The following OSBPL6 variants were observed in gnomAD, a reference collection of about 807,000 sequenced individuals.
OSBPL6 encodes the protein oxysterol binding protein like 6, also known as oxysterol-binding protein-related protein 6.
OSBPL6 carries 49 observed loss-of-function variants against 125.8 expected under a neutral mutation model. The ratio of observed to expected loss-of-function variants is 0.39; its 90% CI spans 0.31 to 0.49. The LOEUF is 0.49. OSBPL6 is among the 20% of genes least tolerant of loss of function. The probability of loss-of-function intolerance (pLI) is 0.88; values close to 1 mark genes in which losing one functional copy is unlikely to be tolerated. For synonymous variants in OSBPL6, 394 were observed against 391.8 expected, an observed-to-expected ratio of 1.01 and a Z score of -0.07; for missense variants, 986 against 1,135.4, an observed-to-expected ratio of 0.87 and a Z score of 1.89.
chr2:178,373,929 C>T lies in OSBPL6; in HGVS notation c.1435C>T (p.Gln479Ter), dbSNP rs1360150535. ...QIHVSLPLSQ[Q>*]VANESRLSMS... is the part of the protein sequence containing the mutation. ...CCATGTCAGTCTCCCCTTATCACAG[C>T]AAGTAGCCAATGAGAGCCGCCTCTC... Residue 479 changes from glutamine (Q) to a stop codon, truncating the protein, a stop_gained, in exon 15 of 25, where the codon CAA becomes TAA. Coordinates refer to ENST00000190611, the MANE Select transcript of OSBPL6 (RefSeq NM_032523.4). LOFTEE classifies it high-confidence loss of function. The T allele has an allele frequency of 6.2e-7, 1 of 1,613,978 alleles. No individual in the cohort carries two copies. The highest frequency in any genetic ancestry group is 8.5e-7 in the Non-Finnish European group (1 of 1,179,988).
chr2:178,370,100 A>C (rs957921965), intron 13 of OSBPL6, among the ~76,000 whole-genome samples: 2 of 152,110 alleles, frequency 1.3e-5, no homozygotes, highest in African/African-American at 4.8e-5. Context: ...CTTCATCTCT[A>C]CTAAAAATAC....
Position 178,374,030 on chromosome 2 carries a change from A to T in OSBPL6, c.1533+3A>T, listed in dbSNP as rs771091276. ...CTGCAAGTTCGTCAGAGAATGAGGT[A>T]TGTATGCCTCCTTGACTTGTTGGCC... On this transcript the variant is annotated splice_donor_region_variant and intron_variant, in intron 15 of 24. Transcript: ENST00000190611. The T allele has an allele frequency of 1.2e-5, 19 of 1,613,668 alleles. No individual in the cohort carries two copies. The highest frequency in any genetic ancestry group is 1.7e-5 in the Admixed American group (1 of 59,976).
rs1685612197 is a variant in OSBPL6, at chr2:178,294,926, G to A, written c.-156+9805G>A. 4.0e-5 allele frequency among the ~76,000 whole-genome samples: 6 copies of A among 149,102 alleles called. No individual in the cohort carries two copies. The South Asian group carries it at 1.3e-3, about 32-fold the overall frequency. On this transcript the variant is annotated intron_variant, in intron 2 of 24. Coordinates refer to ENST00000190611, the MANE Select transcript of OSBPL6 (RefSeq NM_032523.4). ...AATCTACTCTCTTAGCAATTTTCGAGGTCTTTTTTTCTTTTTAGTTCATAC... is the reference window on the plus strand; with the variant it reads ...AATCTACTCTCTTAGCAATTTTCGAAGTCTTTTTTTCTTTTTAGTTCATAC...
At chr2:178,211,143 C>T (rs766459019) in intron 1 of OSBPL6, among the ~76,000 whole-genome samples, 16 of 152,184 alleles carry the variant, frequency 1.1e-4, no homozygotes, top group Middle Eastern at 3.4e-3. Context: ...TGGTGGTGCG[C>T]GCCTGTAGTC....
In OSBPL6 at chr2:178,269,122, C is replaced by T. The variant is rs529837620; in HGVS notation, c.-350-15805C>T. On this transcript the variant is annotated intron_variant, in intron 1 of 24. Coordinates refer to ENST00000190611, the MANE Select transcript of OSBPL6 (RefSeq NM_032523.4). ...TGCTCATTTAACTCTTCTTTAATACCATTTACCAGTTTATTATAAAGGATA... is the reference window on the plus strand; with the variant it reads ...TGCTCATTTAACTCTTCTTTAATACTATTTACCAGTTTATTATAAAGGATA... Among the ~76,000 whole-genome samples the T allele has an allele frequency of 9.9e-5, 15 of 152,218 alleles. No homozygotes were observed. The South Asian group carries it at 3.1e-3, about 32-fold the overall frequency.
At chr2:178,303,882 T>G (rs1367646556) in intron 2 of OSBPL6, among the ~76,000 whole-genome samples, 1 of 152,120 alleles carries the variant, frequency 6.6e-6, no homozygotes, top group Non-Finnish European at 1.5e-5. Flanking sequence ...TCTTCTTTAC[T>G]TCCCCACTTG....
chr2:178,337,607 C>G (rs1689804304), intron 9 of OSBPL6, among the ~76,000 whole-genome samples: 1 of 152,200 alleles, frequency 6.6e-6, no homozygotes, highest in South Asian at 2.1e-4. Flanking sequence ...ATAGAACTTT[C>G]TCATCTACCA....
At chr2:178,289,224 G>T (rs1235584189) in intron 2 of OSBPL6, among the ~76,000 whole-genome samples, 2 of 151,112 alleles carry the variant, frequency 1.3e-5, no homozygotes. Context: ...CACCATATTG[G>T]CCAGGCTGGT....
chr2:178,397,838 A>C lies in OSBPL6; in HGVS notation c.*2279A>C, dbSNP rs1695939108. 6.6e-6 allele frequency: 1 copy of C among 152,250 alleles called. No individual in the cohort carries two copies. 9.4% of individuals were successfully genotyped at this position (152,250 alleles called of 1,614,324 possible). A position where few individuals can be genotyped will look rare whatever the true frequency, so the allele number is the denominator to read the frequency against. On this transcript the variant is annotated 3_prime_UTR_variant, in exon 25 of 25. Coordinates refer to ENST00000190611, the MANE Select transcript of OSBPL6 (RefSeq NM_032523.4). ...TTACCAGACAGTAAGGTCATGGTAC[A>C]AATCAGGTGAGTGAATGTTGGTCAG...
At chr2:178,287,153 A>ATTT (rs1204095521) in intron 2 of OSBPL6, among the ~76,000 whole-genome samples, 2,990 of 143,244 alleles carry the variant, frequency 0.021, 47 homozygotes, top group South Asian at 0.056. Context: ...TTTTTTTAAA[A>ATTT]AAAAAAAAAA....
In OSBPL6 at chr2:178,372,220, C is replaced by G; in HGVS notation, c.1382C>G (p.Pro461Arg). The change falls in exon 14 of 25, where the codon CCT (proline) becomes CGT (arginine). Residue 461 changes from proline to arginine, a missense_variant. By Grantham distance (103) the Pro-to-Arg change is moderately radical. Transcript: ENST00000190611. ...CAGGTTGTCAGTGTAAATATTATTCCTAGCCCTGATGAGGTAAGACTCATT... is the reference window on the plus strand; with the variant it reads ...CAGGTTGTCAGTGTAAATATTATTCGTAGCCCTGATGAGGTAAGACTCATT... ...CDQVVSVNIIPSPDEAGEQIH... is the reference protein window; with the variant it reads ...CDQVVSVNIIRSPDEAGEQIH... 6.2e-7 allele frequency: 1 copy of G among 1,610,670 alleles called. No homozygotes were observed. The highest frequency in any genetic ancestry group is 1.1e-5 in the South Asian group (1 of 90,754).
intron 8 of OSBPL6, among the ~76,000 whole-genome samples, chr2:178,336,083 T>A: frequency 6.6e-6 from 1 of 152,238 alleles, no homozygotes; most frequent in Non-Finnish European, 1.5e-5. Flanking sequence ...AATGTTGTCC[T>A]TCATTGAATG....
intron 1 of OSBPL6, among the ~76,000 whole-genome samples, chr2:178,198,638 A>ATAAATAAATAAC (rs1296162408): frequency 6.6e-6 from 1 of 150,886 alleles, no homozygotes; most frequent in Non-Finnish European, 1.5e-5. Flanking sequence ...AAATAAATAA[A>ATAAATAAATAAC]TAAATAAATA....
At chr2:178,225,361 A>G (rs1459677260) in intron 1 of OSBPL6, among the ~76,000 whole-genome samples, 1 of 152,212 alleles carries the variant, frequency 6.6e-6, no homozygotes, top group Non-Finnish European at 1.5e-5. Context: ...AGTATAAGAG[A>G]GATGCAAATT....
At chr2:178,332,498 C>G in intron 6 of OSBPL6, 143 bp from the exon 7 acceptor site, 1 of 623,036 alleles carries the variant, frequency 1.6e-6, no homozygotes, top group Non-Finnish European at 2.8e-6. Flanking sequence ...AGAACCTTAA[C>G]TATTTTCTGT....
chr2:178,221,307 A>G (rs938775675), intron 1 of OSBPL6, among the ~76,000 whole-genome samples: 3 of 152,222 alleles, frequency 2.0e-5, no homozygotes, highest in African/African-American at 7.2e-5. Flanking sequence ...ACCACAGGGT[A>G]TTGTCAGCTA....
intron 5 of OSBPL6, 98 bp downstream of exon 5, chr2:178,328,476 T>C (rs1368903): frequency 0.046 from 68,206 of 1,466,846 alleles, 2,341 homozygotes; most frequent in South Asian, 0.15. Flanking sequence ...TGGCAGTATG[T>C]GTAAAACTAG....
At chr2:178,290,497 C>T (rs1335868923) in intron 2 of OSBPL6, among the ~76,000 whole-genome samples, 1 of 149,190 alleles carries the variant, frequency 6.7e-6, no homozygotes. Context: ...TTCAACCTGG[C>T]TCCTGTGTAT....
chr2:178,195,468 A>G (rs1402473587), intron 1 of OSBPL6, among the ~76,000 whole-genome samples: 1 of 152,262 alleles, frequency 6.6e-6, no homozygotes, highest in Non-Finnish European at 1.5e-5. Flanking sequence ...AGCCTGGAGA[A>G]GTAATGACAC....
Sources: gnomAD v4.1 joint callset for allele counts (sites outside exome capture counted in the v4.1 genomes callset) on GRCh38, gnomAD v4.1.1 for gene constraint, MANE v1.5 for transcripts, NCBI Gene and HGNC (gene_info 2026-07-23, HGNC 2026-07-21) for gene names.